The following RBFOX1 variants were observed in gnomAD, a reference collection of about 807,000 sequenced individuals.
RBFOX1 encodes RNA binding fox-1 homolog 1, also known as RNA binding protein fox-1 homolog 1.
In RBFOX1, 8 loss-of-function variants were observed where a neutral mutation model predicts 57.7. That is an observed-to-expected ratio of 0.14 (90% CI 0.08 to 0.25). RBFOX1 has a LOEUF of 0.25. Among genes scored for constraint, RBFOX1 ranks in the 10% least tolerant of loss-of-function variants. RBFOX1 has a pLI of 1.00. For synonymous variants in RBFOX1, 326 were observed against 222.4 expected (o/e 1.47, Z -4.15); for missense variants, 611 against 548.5 (o/e 1.11, Z -1.14).
intron 4 of RBFOX1, among the ~76,000 whole-genome samples, chr16:7,316,981 C>CACACACAA (rs1192115978): frequency 6.6e-6 from 1 of 151,424 alleles, no homozygotes; most frequent in Non-Finnish European, 1.5e-5. Flanking sequence ...CACACACACA[C>CACACACAA]ACACAAACAC....
At chr16:6,959,900 C>T (rs2082610197) in intron 3 of RBFOX1, among the ~76,000 whole-genome samples, 1 of 152,148 alleles carries the variant, frequency 6.6e-6, no homozygotes, top group Admixed American at 6.6e-5. Flanking sequence ...TGTGCCATTG[C>T]ACTCTAGCCT....
intron 4 of RBFOX1, among the ~76,000 whole-genome samples, chr16:7,454,416 A>G (rs1013530791): frequency 6.6e-6 from 1 of 152,184 alleles, no homozygotes; most frequent in Non-Finnish European, 1.5e-5. Flanking sequence ...CTCCCAAGTT[A>G]TCAAGTCAAA....
intron 2 of RBFOX1, among the ~76,000 whole-genome samples, chr16:6,499,489 G>C (rs1040863991): frequency 5.9e-5 from 9 of 152,116 alleles, no homozygotes; most frequent in African/African-American, 2.2e-4. Flanking sequence ...TATTAGATTT[G>C]TAATAAGCAC....
intron 3 of RBFOX1, among the ~76,000 whole-genome samples, chr16:5,729,982 C>T (rs1187305550): frequency 6.6e-6 from 1 of 152,180 alleles, no homozygotes; most frequent in Non-Finnish European, 1.5e-5. Context: ...CTGTGCTTTG[C>T]CTCTGGTCCA....
chr16:6,889,824 T>C (rs2064998606), intron 3 of RBFOX1, among the ~76,000 whole-genome samples: 1 of 152,210 alleles, frequency 6.6e-6, no homozygotes, highest in African/African-American at 2.4e-5. Flanking sequence ...TTTTAGGTGG[T>C]TCACAGACAC....
chr16:7,340,198 G>T (rs1406696261), intron 4 of RBFOX1, among the ~76,000 whole-genome samples: 1 of 152,166 alleles, frequency 6.6e-6, no homozygotes, highest in Non-Finnish European at 1.5e-5. Flanking sequence ...TGTGTTGGTG[G>T]ATAAGCAAAA....
intron 1 of RBFOX1, among the ~76,000 whole-genome samples, chr16:5,389,080 A>G (rs193300930): frequency 6.6e-6 from 1 of 151,592 alleles, no homozygotes; most frequent in South Asian, 2.1e-4. Context: ...AGTCCCAGCT[A>G]CTCGGGAGGC....
At chr16:5,723,395 GCTATCTCAAGC>G (rs2052009631) in intron 3 of RBFOX1, among the ~76,000 whole-genome samples, 1 of 86,998 alleles carries the variant, frequency 1.1e-5, no homozygotes, top group Non-Finnish European at 2.5e-5. Context: ...TTAAACAGTG[GCTATCTCAAGC>G]TTGGGCTGGA....
chr16:7,369,972 G>T (rs1410037376), intron 4 of RBFOX1, among the ~76,000 whole-genome samples: 1 of 152,182 alleles, frequency 6.6e-6, no homozygotes, highest in African/African-American at 2.4e-5. Flanking sequence ...ATGTGTCAGA[G>T]CCTTGAGCTA....
At chr16:7,432,627 C>G (rs188270320) in intron 4 of RBFOX1, among the ~76,000 whole-genome samples, 2 of 152,202 alleles carry the variant, frequency 1.3e-5, no homozygotes, top group African/African-American at 4.8e-5. Flanking sequence ...AAAGCAGTCA[C>G]AGACAATACA....
intron 1 of RBFOX1, among the ~76,000 whole-genome samples, chr16:6,213,015 C>T (rs774846297): frequency 2.0e-5 from 3 of 152,122 alleles, no homozygotes; most frequent in Non-Finnish European, 1.5e-5. Context: ...TTGTGGTCAC[C>T]TGGAGACATC....
At chr16:6,654,454 T>G (rs1159351314) in intron 2 of RBFOX1, 149 bp from the exon 3 acceptor site, 1 of 621,486 alleles carries the variant, frequency 1.6e-6, no homozygotes, top group Admixed American at 3.8e-5. Flanking sequence ...AAAAGCACTA[T>G]AAAGAGCAAT....
chr16:6,388,544 A>G (rs2092426972), intron 2 of RBFOX1, among the ~76,000 whole-genome samples: 1 of 151,388 alleles, frequency 6.6e-6, no homozygotes, highest in African/African-American at 2.4e-5. Context: ...GTCGTGTGAT[A>G]TATATATATA....
intron 3 of RBFOX1, among the ~76,000 whole-genome samples, chr16:6,975,693 G>C (rs1423577150): frequency 6.6e-6 from 1 of 152,228 alleles, no homozygotes; most frequent in East Asian, 1.9e-4. Flanking sequence ...TCTTCCCTTG[G>C]AACATCAATT....
intron 3 of RBFOX1, among the ~76,000 whole-genome samples, chr16:5,841,279 C>G (rs185163920): frequency 6.6e-6 from 1 of 152,178 alleles, no homozygotes; most frequent in African/African-American, 2.4e-5. Context: ...AGCTGAGGAG[C>G]AGCAGAGCCA....
chr16:7,578,960 G>C (rs975118365), intron 5 of RBFOX1, among the ~76,000 whole-genome samples: 1 of 152,190 alleles, frequency 6.6e-6, no homozygotes, highest in African/African-American at 2.4e-5. Context: ...GAAACAATCA[G>C]TTATGCTGAT....
At chr16:5,964,627 A>G (rs1031884145) in intron 4 of RBFOX1, among the ~76,000 whole-genome samples, 8 of 152,094 alleles carry the variant, frequency 5.3e-5, no homozygotes, top group African/African-American at 1.9e-4. Context: ...CACATATACC[A>G]TATACACATA....
At chr16:5,786,904 G>C (rs976835676) in intron 3 of RBFOX1, among the ~76,000 whole-genome samples, 2 of 152,200 alleles carry the variant, frequency 1.3e-5, no homozygotes, top group South Asian at 2.1e-4. Flanking sequence ...GGGAGGTCAA[G>C]GTGGGTGGGT....
chr16:7,684,374 T>G (rs1052539492), intron 14 of RBFOX1, among the ~76,000 whole-genome samples: 1 of 152,072 alleles, frequency 6.6e-6, no homozygotes, highest in African/African-American at 2.4e-5. Flanking sequence ...GGGCAAAAAC[T>G]AGGGAGAATA....
Sources: gnomAD v4.1 joint callset for allele counts (sites outside exome capture counted in the v4.1 genomes callset) on GRCh38, gnomAD v4.1.1 for gene constraint, MANE v1.5 for transcripts, NCBI Gene and HGNC (gene_info 2026-07-23, HGNC 2026-07-21) for gene names.